ERBB4: variants seen among roughly 807,000 people sequenced by gnomAD.
ERBB4 encodes the protein receptor tyrosine-protein kinase erbB-4.
Under a neutral mutation model 158.0 loss-of-function variants are expected in ERBB4, and 42 were observed. The ratio of observed to expected loss-of-function variants is 0.27; its 90% CI spans 0.21 to 0.34. The LOEUF (loss-of-function observed/expected upper bound fraction) is 0.34. ERBB4 is among the 10% of genes least tolerant of loss of function. ERBB4 has a pLI of 1.00. For synonymous variants in ERBB4, 583 were observed against 558.7 expected, an observed-to-expected ratio of 1.04 and a Z score of -0.61; for missense variants, 1,333 against 1,624.1, an observed-to-expected ratio of 0.82 and a Z score of 3.08.
intron 1 of ERBB4, among the ~76,000 whole-genome samples, chr2:212,167,754 G>A (rs938668843): frequency 1.3e-5 from 2 of 152,100 alleles, no homozygotes; most frequent in African/African-American, 4.8e-5. Flanking sequence ...GGAATACTAT[G>A]CAGCCATAAA....
chr2:212,496,282 A>T (rs906010482), intron 1 of ERBB4, among the ~76,000 whole-genome samples: 13 of 118,096 alleles, frequency 1.1e-4, no homozygotes, highest in East Asian at 6.3e-4. Context: ...TTGACCTGGT[A>T]AAAAAAAAAA....
Position 212,373,800 on chromosome 2 carries a change from CATATATATATCCATGTATATATCCATAT to C in ERBB4, c.82+164621_82+164648del, listed in dbSNP as rs2090176661. Among the ~76,000 whole-genome samples the C allele has an allele frequency of 6.6e-5, 6 of 90,324 alleles. 1 individual carries two copies. The highest frequency in any genetic ancestry group is 2.3e-4 in the East Asian group (1 of 4,316). 59.3% of individuals were successfully genotyped at this position (90,324 alleles called of 152,430 possible). ...ATGTATATATCCACGTATATATATC[CATATATATATCCATGTATATATCCATAT>C]ATATATATATCCATGTATATATCCA... On this transcript the variant is annotated intron_variant, in intron 1 of 27. Transcript: ENST00000342788.
At chr2:211,493,211 A>C (rs1205354435) in intron 20 of ERBB4, among the ~76,000 whole-genome samples, 1 of 152,040 alleles carries the variant, frequency 6.6e-6, no homozygotes, top group Non-Finnish European at 1.5e-5. Flanking sequence ...CTTCCCTCTC[A>C]ATTATTTATA....
At chr2:211,993,352 G>A (rs1245429497) in intron 2 of ERBB4, among the ~76,000 whole-genome samples, 1 of 152,134 alleles carries the variant, frequency 6.6e-6, no homozygotes, top group African/African-American at 2.4e-5. Flanking sequence ...AAGGAGAGAC[G>A]CCTCAGGAGA....
chr2:211,679,042 G>A lies in ERBB4; in HGVS notation c.1622+10C>T, dbSNP rs1456029579. On this transcript the variant is annotated intron_variant, in intron 13 of 27. Coordinates refer to ENST00000342788, the MANE Select transcript of ERBB4 (RefSeq NM_005235.3). ...TCATGAGGTGAAGGCAACCCTAGAA[G>A]AAGCCTTACCCATCATAGAGGTTAC... The A allele has an allele frequency of 1.3e-6, 2 of 1,576,010 alleles. No individual in the cohort carries two copies. The highest frequency in any genetic ancestry group is 1.7e-6 in the Non-Finnish European group (2 of 1,159,040).
chr2:211,554,712 A>G (rs1057310936), intron 20 of ERBB4, among the ~76,000 whole-genome samples: 2 of 152,196 alleles, frequency 1.3e-5, no homozygotes, highest in Non-Finnish European at 1.5e-5. Flanking sequence ...CCCAAGTGCA[A>G]ATAAAGGTTG....
At chr2:212,059,670 C>G (rs1474483895) in intron 2 of ERBB4, among the ~76,000 whole-genome samples, 1 of 152,120 alleles carries the variant, frequency 6.6e-6, no homozygotes, top group African/African-American at 2.4e-5. Flanking sequence ...TTTGACAAAC[C>G]TGACAAAAAC....
chr2:212,538,305 G>A lies in ERBB4; in HGVS notation c.82+144C>T, dbSNP rs541282654. On this transcript the variant is annotated intron_variant, in intron 1 of 27. Transcript: ENST00000342788. ...CAGGGTAAGTTTCAAATGGAAAGAGGGGTGACCGAAAGCCCAGGGAAGAGG... is the reference window on the plus strand; with the variant it reads ...CAGGGTAAGTTTCAAATGGAAAGAGAGGTGACCGAAAGCCCAGGGAAGAGG... 6 of 750,870 alleles carry A rather than the reference G, an allele frequency of 8.0e-6. No individual in the cohort carries two copies. The East Asian group carries it at 1.0e-4, about 13-fold the overall frequency. 46.5% of individuals were successfully genotyped at this position (750,870 alleles called of 1,614,324 possible).
At chr2:211,817,743 C>T (rs1330986223) in intron 3 of ERBB4, among the ~76,000 whole-genome samples, 1 of 152,104 alleles carries the variant, frequency 6.6e-6, no homozygotes, top group Non-Finnish European at 1.5e-5. Context: ...CTGGATTTTG[C>T]CTTTAAAGGT....
At chr2:212,015,101 T>A (rs9750409) in intron 2 of ERBB4, among the ~76,000 whole-genome samples, 7 of 77,012 alleles carry the variant, frequency 9.1e-5, no homozygotes, top group East Asian at 3.0e-4. Context: ...TATATATATA[T>A]ATATATATAT....
At chr2:211,802,988 CAAAAGTTGAAA>C (rs2076533885) in intron 3 of ERBB4, among the ~76,000 whole-genome samples, 2 of 151,976 alleles carry the variant, frequency 1.3e-5, no homozygotes, top group African/African-American at 4.8e-5. Flanking sequence ...AGATGCGATC[CAAAAGTTGAAA>C]AAAAGTTGGC....
At chr2:211,434,256 T>A (rs2063804701) in intron 20 of ERBB4, among the ~76,000 whole-genome samples, 1 of 152,186 alleles carries the variant, frequency 6.6e-6, no homozygotes, top group Admixed American at 6.5e-5. Context: ...TGCTATGATC[T>A]GAATGGTTTT....
At chr2:212,182,770 G>A (rs2081908771) in intron 1 of ERBB4, among the ~76,000 whole-genome samples, 2 of 151,594 alleles carry the variant, frequency 1.3e-5, no homozygotes, top group South Asian at 4.2e-4. Context: ...TGTTTGTTTT[G>A]TTTTGTTTTG....
chr2:212,381,204 C>T (rs1337549019), intron 1 of ERBB4, among the ~76,000 whole-genome samples: 1 of 151,076 alleles, frequency 6.6e-6, no homozygotes, highest in African/African-American at 2.4e-5. Flanking sequence ...TGCAAAATTA[C>T]CAAACCAAAA....
chr2:211,698,891 C>T (rs1271489065), intron 12 of ERBB4, among the ~76,000 whole-genome samples: 1 of 152,122 alleles, frequency 6.6e-6, no homozygotes, highest in Non-Finnish European at 1.5e-5. Flanking sequence ...GATAGATGCC[C>T]AAAATATTCT....
intron 1 of ERBB4, among the ~76,000 whole-genome samples, chr2:212,392,704 A>G (rs2106441420): frequency 6.6e-6 from 1 of 152,170 alleles, no homozygotes; most frequent in Non-Finnish European, 1.5e-5. Context: ...TTCTTTATGA[A>G]TCCCTCCTTT....
At chr2:211,947,801 T>C (rs2080744981) in intron 2 of ERBB4, among the ~76,000 whole-genome samples, 185 bp from the exon 3 acceptor site, 1 of 152,248 alleles carries the variant, frequency 6.6e-6, no homozygotes, top group Admixed American at 6.5e-5. Flanking sequence ...AGAATCTCAT[T>C]TGAAGTATAA....
chr2:212,227,995 G>A (rs1192088413), intron 1 of ERBB4, among the ~76,000 whole-genome samples: 6 of 152,162 alleles, frequency 3.9e-5, no homozygotes, highest in Non-Finnish European at 1.5e-5. Flanking sequence ...TAAAGGGCAT[G>A]TCGCAATGTT....
chr2:212,391,716 ATATATAT>A (rs2090873217), intron 1 of ERBB4, among the ~76,000 whole-genome samples: 1 of 117,092 alleles, frequency 8.5e-6, no homozygotes, highest in Admixed American at 8.5e-5. Flanking sequence ...ATATATTGAC[ATATATAT>A]TATATATATG....
Sources: gnomAD v4.1 joint callset for allele counts (sites outside exome capture counted in the v4.1 genomes callset) on GRCh38, gnomAD v4.1.1 for gene constraint, MANE v1.5 for transcripts, NCBI Gene and HGNC (gene_info 2026-07-23, HGNC 2026-07-21) for gene names.